CATSPER3: variants seen among roughly 807,000 people sequenced by gnomAD.
CATSPER3 encodes cation channel sperm associated 3.
Under a neutral mutation model 36.6 loss-of-function variants are expected in CATSPER3, and 23 were observed. That is an observed-to-expected ratio of 0.63 (90% CI 0.45 to 0.89). The LOEUF (loss-of-function observed/expected upper bound fraction) is 0.89. Among genes scored for constraint, CATSPER3 ranks in the 40% least tolerant of loss-of-function variants. The pLI, the probability that CATSPER3 is intolerant of heterozygous loss-of-function variation, is 0.00. For synonymous variants in CATSPER3, 172 were observed against 184.1 expected (o/e 0.93, Z 0.53); for missense variants, 474 against 503.9 (o/e 0.94, Z 0.57).
At chr5:134,970,129 T>A (rs1186460566) in intron 2 of CATSPER3, 37 bp downstream of exon 2, 1 of 1,585,612 alleles carries the variant, frequency 6.3e-7, no homozygotes, top group East Asian at 2.2e-5. Flanking sequence ...CTTCTTTTTT[T>A]AAAACATGCT....
At chr5:135,007,337 T>C (rs1272497395) in intron 3 of CATSPER3, among the ~76,000 whole-genome samples, 1 of 152,198 alleles carries the variant, frequency 6.6e-6, no homozygotes, top group Non-Finnish European at 1.5e-5. Context: ...GACTACTGCA[T>C]GCAAGACTCC....
intron 2 of CATSPER3, among the ~76,000 whole-genome samples, chr5:134,982,655 G>A (rs969578952): frequency 6.6e-6 from 1 of 152,098 alleles, no homozygotes; most frequent in African/African-American, 2.4e-5. Flanking sequence ...AAAAATGAGA[G>A]GGTTTGTTGC....
chr5:134,980,638 C>G (rs111725831), intron 2 of CATSPER3, among the ~76,000 whole-genome samples: 1 of 151,764 alleles, frequency 6.6e-6, no homozygotes, highest in Non-Finnish European at 1.5e-5. Context: ...ACCATGTTGG[C>G]CAGGATGGTC....
chr5:134,985,846 C>T (rs1426087637), intron 2 of CATSPER3, among the ~76,000 whole-genome samples: 4 of 151,616 alleles, frequency 2.6e-5, no homozygotes, highest in Non-Finnish European at 5.9e-5. Context: ...GTGCAGTGAG[C>T]CATGACTGTG....
At chr5:135,006,795 G>A (rs892408420) in intron 3 of CATSPER3, among the ~76,000 whole-genome samples, 18 of 145,456 alleles carry the variant, frequency 1.2e-4, no homozygotes, top group Non-Finnish European at 2.4e-4. Context: ...CCGAGATTGC[G>A]CCACTGCACT....
At chr5:134,993,233 C>A (rs1019901610) in intron 2 of CATSPER3, among the ~76,000 whole-genome samples, 2 of 152,056 alleles carry the variant, frequency 1.3e-5, no homozygotes, top group African/African-American at 4.8e-5. Flanking sequence ...ATGGTTTCAC[C>A]CATATGAGAT....
intron 2 of CATSPER3, among the ~76,000 whole-genome samples, chr5:134,983,505 A>G (rs139723236): frequency 1.3e-5 from 2 of 152,166 alleles, no homozygotes; most frequent in Admixed American, 6.5e-5. Context: ...CTACACTGCA[A>G]TCTGGGTGAC....
chr5:135,002,314 A>G (rs969895681), intron 3 of CATSPER3, among the ~76,000 whole-genome samples: 3 of 152,110 alleles, frequency 2.0e-5, no homozygotes, highest in Admixed American at 6.6e-5. Flanking sequence ...GGCTTGTAGA[A>G]TTTCTGCCGA....
intron 2 of CATSPER3, among the ~76,000 whole-genome samples, chr5:134,981,009 A>G (rs183603019): frequency 7.8e-4 from 119 of 152,054 alleles, no homozygotes; most frequent in African/African-American, 2.7e-3. Flanking sequence ...ATGAGTTACA[A>G]TGCCTGGCCT....
intron 2 of CATSPER3, among the ~76,000 whole-genome samples, chr5:134,983,531 C>T (rs1320969766): frequency 6.6e-6 from 1 of 151,972 alleles, no homozygotes; most frequent in Admixed American, 6.6e-5. Context: ...GAGACTCTGT[C>T]TCAAACAAAT....
At chr5:134,982,277 T>C in intron 2 of CATSPER3, among the ~76,000 whole-genome samples, 1 of 152,068 alleles carries the variant, frequency 6.6e-6, no homozygotes, top group East Asian at 1.9e-4. Flanking sequence ...AAGGCAGAAA[T>C]AATATTTAAA....
intron 3 of CATSPER3, among the ~76,000 whole-genome samples, chr5:135,005,479 G>A (rs1209341126): frequency 6.6e-6 from 1 of 152,216 alleles, no homozygotes; most frequent in African/African-American, 2.4e-5. Context: ...GATCCCCAGA[G>A]GCACAGAAGT....
intron 3 of CATSPER3, among the ~76,000 whole-genome samples, chr5:135,007,128 G>A (rs1467187793): frequency 6.6e-6 from 1 of 152,166 alleles, no homozygotes; most frequent in Non-Finnish European, 1.5e-5. Context: ...AGGGTCATTA[G>A]TGGTTGAAGG....
At chr5:134,996,601 CCAT>C in intron 3 of CATSPER3, 89 bp downstream of exon 3, 2 of 1,356,174 alleles carry the variant, frequency 1.5e-6, no homozygotes, top group South Asian at 2.4e-5. Context: ...GACTCTACTA[CCAT>C]CTTCCAGTTG....
intron 5 of CATSPER3, 142 bp downstream of exon 5, chr5:135,009,123 C>T: frequency 8.5e-7 from 1 of 1,178,286 alleles, no homozygotes; most frequent in East Asian, 2.4e-5. Context: ...GGACCTGTCC[C>T]TCACCCGGCC....
At position 134,989,434 on chromosome 5, in the gene CATSPER3, T is replaced by G. The variant is rs1011703528; in HGVS notation, c.253-6839T>G. Among the ~76,000 whole-genome samples, 3 of 152,360 alleles carry G rather than the reference T, an allele frequency of 2.0e-5. 1 individual carries two copies. Among genetic ancestry groups the G allele is most frequent in the South Asian group, 4.1e-4 (2 of 4,830 alleles). ...TACTTTGCACATTGAAAATCTGTGG[T>G]TGAGTGTAGCTACTTTCATCAATTC... On this transcript the variant is annotated intron_variant, in intron 2 of 7. Coordinates refer to ENST00000282611, the MANE Select transcript of CATSPER3 (RefSeq NM_178019.3).
intron 3 of CATSPER3, among the ~76,000 whole-genome samples, chr5:135,001,755 G>C (rs1430979924): frequency 3.9e-5 from 6 of 152,130 alleles, no homozygotes; most frequent in Admixed American, 3.9e-4. Flanking sequence ...TTGGTTTAAA[G>C]TCTGTTTTAT....
At chr5:135,011,052 G>A (rs1378432355) in intron 7 of CATSPER3, among the ~76,000 whole-genome samples, 1 of 152,236 alleles carries the variant, frequency 6.6e-6, no homozygotes, top group Non-Finnish European at 1.5e-5. Flanking sequence ...TACTGAGCAG[G>A]AAGGATGTAA....
chr5:134,997,094 C>T (rs1383820963), intron 3 of CATSPER3, among the ~76,000 whole-genome samples: 2 of 152,244 alleles, frequency 1.3e-5, no homozygotes, highest in Non-Finnish European at 2.9e-5. Flanking sequence ...TGAATCGTGC[C>T]CTCAGGCACT....
Sources: gnomAD v4.1 joint callset for allele counts (sites outside exome capture counted in the v4.1 genomes callset) on GRCh38, gnomAD v4.1.1 for gene constraint, MANE v1.5 for transcripts, NCBI Gene and HGNC (gene_info 2026-07-23, HGNC 2026-07-21) for gene names.